OTC: variants seen among roughly 807,000 people sequenced by gnomAD.
OTC encodes ornithine transcarbamylase, mitochondrial.
In OTC, 3 loss-of-function variants were observed where a neutral mutation model predicts 30.3. That is an observed-to-expected ratio of 0.10 (90% CI 0.05 to 0.26). The LOEUF is 0.26. Ranked by LOEUF, OTC falls within the 10% of genes least tolerant of loss-of-function variation. The pLI is 1.00. For missense variants in OTC, 194 were observed against 260.3 expected (o/e 0.75, Z 1.75); for synonymous variants, 111 against 99.7 (o/e 1.11, Z -0.67).
chrX:38,338,486 G>A, the OTC span, among the ~76,000 whole-genome samples: 4 of 112,005 alleles, frequency 3.6e-5, no homozygotes, highest in South Asian at 1.1e-3. Context: ...TTCTGAATCC[G>A]TCAGAGTTCT....
intron 4 of OTC, among the ~76,000 whole-genome samples, chrX:38,386,537 A>G (rs1433457120): frequency 9.0e-5 from 10 of 111,309 alleles, no homozygotes; most frequent in Non-Finnish European, 9.4e-5. Context: ...TACTTCACAT[A>G]GGTGGACTCA....
chrX:38,364,100 T>C (rs754345907), intron 1 of OTC, among the ~76,000 whole-genome samples: 17 of 111,830 alleles, frequency 1.5e-4, no homozygotes, highest in Non-Finnish European at 2.8e-4. Flanking sequence ...CACTCCAGCC[T>C]GGGTGACAGA....
the OTC span, among the ~76,000 whole-genome samples, chrX:38,345,544 A>AT: frequency 0.046 from 4,544 of 99,642 alleles, 263 homozygotes; most frequent in African/African-American, 0.15. Flanking sequence ...CCTAAACCAT[A>AT]TTTTTTTTTT....
At position 38,403,686 on chromosome X, in the gene OTC, C is replaced by T. The variant is rs1354432045; in HGVS notation, c.609C>T (p.Ser203=). The T allele has an allele frequency of 1.7e-6, 2 of 1,209,087 alleles. No homozygotes were observed. The highest frequency in any genetic ancestry group is 1.8e-5 in the South Asian group (1 of 56,917). The change falls in exon 6 of 10, where the codon TCC becomes TCT. Residue 203 remains serine, a synonymous_variant. Transcript: ENST00000039007. ...GGGATGGGAACAATATCCTGCACTC[C>T]ATCATGATGAGCGCAGCGAAATTCG... ...WIGDGNNILH[S]IMMSAAKFGM... is the part of the protein sequence containing the mutation.
At position 38,361,300 on chromosome X, in the gene OTC, G is replaced by A. The variant is rs769384468; in HGVS notation, c.78-5991G>A. ...AGCCTGGGCGACAGAGCGAGACTCC[G>A]TTAAAAAAAAAAAATACTGATAGCA... On this transcript the variant is annotated intron_variant, in intron 1 of 9. Transcript: ENST00000039007. Among the ~76,000 whole-genome samples, 705 of 84,535 alleles carry A rather than the reference G, an allele frequency of 8.3e-3. 7 individuals carry two copies. Among genetic ancestry groups the A allele is most frequent in the African/African-American group, 0.027 (673 of 25,178 alleles). 73.4% of individuals were successfully genotyped at this position (84,535 alleles called of 115,157 possible).
At chrX:38,331,453 T>G in the OTC span, among the ~76,000 whole-genome samples, 88 of 77,107 alleles carry the variant, frequency 1.1e-3, 1 homozygote, top group Middle Eastern at 0.023. Flanking sequence ...TTTTTTTTTT[T>G]TGTTTGTTTT....
chrX:38,391,270 G>A (rs957599780), intron 4 of OTC, among the ~76,000 whole-genome samples: 5 of 111,127 alleles, frequency 4.5e-5, no homozygotes, highest in Non-Finnish European at 9.4e-5. Flanking sequence ...GGGAGGGATA[G>A]TATTAGGAGA....
chrX:38,354,190 C>T (rs2068229963), intron 1 of OTC, among the ~76,000 whole-genome samples: 2 of 112,091 alleles, frequency 1.8e-5, no homozygotes, highest in African/African-American at 3.2e-5. Flanking sequence ...GTTGGAGATA[C>T]GGTGGTAAAT....
chrX:38,393,629 G>C (rs2068439805), intron 4 of OTC, among the ~76,000 whole-genome samples: 1 of 112,088 alleles, frequency 8.9e-6, no homozygotes, highest in Admixed American at 9.5e-5. Flanking sequence ...GGAACGGGTT[G>C]CTAAATTCAA....
At chrX:38,363,862 C>T (rs1032385209) in intron 1 of OTC, among the ~76,000 whole-genome samples, 2 of 111,089 alleles carry the variant, frequency 1.8e-5, no homozygotes, top group Admixed American at 9.6e-5. Flanking sequence ...TGGTGGCTCA[C>T]GTGCTGTAAT....
Position 38,390,517 on chromosome X carries a change from A to G in OTC, c.386+9088A>G, listed in dbSNP as rs183804467. Among the ~76,000 whole-genome samples, 371 of 112,418 alleles carry G rather than the reference A, an allele frequency of 3.3e-3. 2 individuals carry two copies. Among genetic ancestry groups the G allele is most frequent in the African/African-American group, 9.1e-3 (281 of 30,993 alleles). Reference sequence around the variant, plus strand: ...TGCACAACCAAAACATCCTTCCTCTATCTCCCAGTCAGCTGTTCAACTGGT... The same window carrying G: ...TGCACAACCAAAACATCCTTCCTCTGTCTCCCAGTCAGCTGTTCAACTGGT... On this transcript the variant is annotated intron_variant, in intron 4 of 9. Transcript: ENST00000039007.
chrX:38,384,907 T>C (rs1041203535), intron 4 of OTC, among the ~76,000 whole-genome samples: 9 of 112,776 alleles, frequency 8.0e-5, no homozygotes, highest in African/African-American at 2.9e-4. Flanking sequence ...ATTGTTCATT[T>C]ATTCAGAAAT....
At chrX:38,394,884 A>G (rs770951069) in intron 4 of OTC, among the ~76,000 whole-genome samples, 1 of 96,077 alleles carries the variant, frequency 1.0e-5, no homozygotes, top group African/African-American at 4.2e-5. Context: ...GAAAAAGGAA[A>G]GTAGTTTCTG....
the OTC span, among the ~76,000 whole-genome samples, chrX:38,328,695 CA>C: frequency 8.9e-6 from 1 of 111,898 alleles, no homozygotes; most frequent in Non-Finnish European, 1.9e-5. Context: ...AAGTTTTAGG[CA>C]GTAGAACAAC....
intron 4 of OTC, among the ~76,000 whole-genome samples, chrX:38,389,337 G>A (rs1379533272): frequency 1.8e-5 from 2 of 110,067 alleles, no homozygotes; most frequent in Non-Finnish European, 3.8e-5. Flanking sequence ...AGTTATAGAG[G>A]GATTTGTGGA....
chrX:38,356,816 A>G (rs1406325481), intron 1 of OTC, among the ~76,000 whole-genome samples: 1 of 111,814 alleles, frequency 8.9e-6, no homozygotes, highest in African/African-American at 3.3e-5. Flanking sequence ...AATAATTTAT[A>G]TCACATATGG....
At chrX:38,340,473 G>GTTTTTTTTTTTTTTTTTTTTTT in the OTC span, among the ~76,000 whole-genome samples, 20 of 56,094 alleles carry the variant, frequency 3.6e-4, no homozygotes, top group African/African-American at 4.6e-4. Context: ...TTTTTTTTTT[G>GTTTTTTTTTTTTTTTTTTTTTT]TTTTTTTTTT....
intron 1 of OTC, among the ~76,000 whole-genome samples, chrX:38,355,038 T>C (rs2068233450): frequency 8.9e-6 from 1 of 111,781 alleles, no homozygotes; most frequent in Non-Finnish European, 1.9e-5. Context: ...TTATGTAACA[T>C]ACCACGTGAG....
rs753631467 is a variant in OTC at position 38,367,428 on chromosome X, A to G, written c.215A>G (p.Glu72Gly). 8.3e-7 allele frequency: 1 copy of G among 1,199,234 alleles called. No homozygotes were observed. The highest frequency in any genetic ancestry group is 1.8e-5 in the South Asian group (1 of 56,477). Residue 72 changes from glutamate to glycine, a missense_variant and splice_region_variant, in exon 2 of 10, where the codon GAG (glutamate) becomes GGG (glycine). Coordinates refer to ENST00000039007, the MANE Select transcript of OTC (RefSeq NM_000531.6). ...AAATTTAGGATAAAACAGAAAGGAG[A>G]GGTATGTAACATTTTCTTTTTACGT... is the stretch of plus-strand genomic sequence containing the variant. ...DLKFRIKQKG[E>G]YLPLLQGKSL... is the part of the protein sequence containing the mutation.
Sources: allele counts gnomAD v4.1 joint callset (sites outside exome capture counted in the v4.1 genomes callset), GRCh38; gene constraint gnomAD v4.1.1; transcripts MANE v1.5; gene names NCBI Gene and HGNC (gene_info 2026-07-23, HGNC 2026-07-21).